The following CYP2C19 variants were observed in gnomAD, a reference collection of about 807,000 sequenced individuals.
The protein encoded by CYP2C19 is cytochrome P450 family 2 subfamily C member 19, also known as cytochrome P450 2C19.
In CYP2C19, 59 loss-of-function variants were observed where a neutral mutation model predicts 40.9. The ratio of observed to expected loss-of-function variants is 1.44; its 90% confidence interval spans 1.17 to 1.79. CYP2C19 has a LOEUF of 1.79. CYP2C19 is among the 40% of genes most tolerant of loss of function. The pLI is 0.00. For missense variants in CYP2C19, 754 were observed against 596.9 expected (o/e 1.26, Z -2.74); for synonymous variants, 253 against 208.7 (o/e 1.21, Z -1.83).
chr10:94,775,216 A>T lies in CYP2C19; in HGVS notation c.327A>T (p.Gly109=), dbSNP rs761894050. Reference sequence around the variant, plus strand: ...CACTGGCTGAAAGAGCTAACAGAGGATTTGGTAGGTGTGCAAGTGCCTGTT... The same window carrying T: ...CACTGGCTGAAAGAGCTAACAGAGGTTTTGGTAGGTGTGCAAGTGCCTGTT... ...HFPLAERANR[G]FGIVFSNGKR... The change falls in exon 2 of 9, where the codon GGA becomes GGT. Residue 109 remains glycine, a synonymous_variant. Coordinates refer to ENST00000371321, the MANE Select transcript of CYP2C19 (RefSeq NM_000769.4). 2 of 1,613,850 alleles carry T rather than the reference A, an allele frequency of 1.2e-6. No homozygotes were observed. The highest frequency in any genetic ancestry group is 2.7e-5 in the African/African-American group (2 of 74,870).
chr10:94,815,135 A>G (rs373232437), intron 5 of CYP2C19, among the ~76,000 whole-genome samples: 157 of 149,738 alleles, frequency 1.0e-3, no homozygotes, highest in African/African-American at 3.8e-3. Flanking sequence ...ACCAAGCTCA[A>G]GTCAAGAGAT....
At chr10:94,794,958 T>A (rs1369720146) in intron 5 of CYP2C19, among the ~76,000 whole-genome samples, 1 of 152,006 alleles carries the variant, frequency 6.6e-6, no homozygotes, top group Non-Finnish European at 1.5e-5. Flanking sequence ...ATAGGAGTGA[T>A]GAGAGAGGGC....
chr10:94,816,388 A>T (rs1368753118), intron 5 of CYP2C19, among the ~76,000 whole-genome samples: 3 of 152,064 alleles, frequency 2.0e-5, no homozygotes, highest in Non-Finnish European at 4.4e-5. Flanking sequence ...TAGGAACAGT[A>T]GTATCAAAAG....
chr10:94,803,556 G>A (rs531984723), intron 5 of CYP2C19, among the ~76,000 whole-genome samples: 1 of 152,302 alleles, frequency 6.6e-6, no homozygotes, highest in African/African-American at 2.4e-5. Flanking sequence ...CAAGATGGGT[G>A]GCACTGGACT....
chr10:94,813,266 A>G (rs532416093), intron 5 of CYP2C19, among the ~76,000 whole-genome samples: 3 of 152,164 alleles, frequency 2.0e-5, no homozygotes, highest in African/African-American at 4.8e-5. Flanking sequence ...GACACTTGCC[A>G]GATACCAGCC....
intron 1 of CYP2C19, among the ~76,000 whole-genome samples, chr10:94,763,839 A>T (rs1160288172): frequency 6.6e-6 from 1 of 151,982 alleles, no homozygotes; most frequent in Non-Finnish European, 1.5e-5. Context: ...GAAGCCACGG[A>T]CCCTCGTGGT....
At chr10:94,805,549 A>G (rs1258455485) in intron 5 of CYP2C19, among the ~76,000 whole-genome samples, 2 of 152,218 alleles carry the variant, frequency 1.3e-5, no homozygotes, top group Non-Finnish European at 2.9e-5. Context: ...CATCTACAGA[A>G]TTCTTTTCAT....
chr10:94,771,703 C>T (rs1848334929), intron 1 of CYP2C19, among the ~76,000 whole-genome samples: 1 of 152,154 alleles, frequency 6.6e-6, no homozygotes, highest in Admixed American at 6.5e-5. Context: ...TTTGTTTCTA[C>T]CTGCCCAGGA....
intron 6 of CYP2C19, among the ~76,000 whole-genome samples, chr10:94,832,777 T>C (rs1009197415): frequency 2.6e-5 from 4 of 151,876 alleles, no homozygotes; most frequent in Admixed American, 2.6e-4. Context: ...ATTTTAAAGA[T>C]TTTTTTTCTA....
chr10:94,810,573 T>C (rs1175139341), intron 5 of CYP2C19, among the ~76,000 whole-genome samples: 1 of 152,174 alleles, frequency 6.6e-6, no homozygotes, highest in Non-Finnish European at 1.5e-5. Flanking sequence ...AACTTGTTAT[T>C]GGTCTCTTCA....
At position 94,820,588 on chromosome 10, in the gene CYP2C19, A is replaced by G. The variant is rs1169294637; in HGVS notation, c.912A>G (p.Thr304=). The change falls in exon 6 of 9, where the codon ACA becomes ACG. Residue 304 remains threonine (T), a synonymous_variant. Transcript: ENST00000371321. ...GAGCTGGGACAGAGACAACAAGCAC[A>G]ACCCTGAGATATGCTCTCCTTCTCC... ...LLGAGTETTS[T]TLRYALLLLL... 3 of 1,614,238 alleles carry G rather than the reference A, an allele frequency of 1.9e-6. No individual in the cohort carries two copies. The highest frequency in any genetic ancestry group is 2.7e-5 in the African/African-American group (2 of 75,070).
At chr10:94,852,532 CCATCCATT>C (rs1412392209) in intron 8 of CYP2C19, among the ~76,000 whole-genome samples, 193 bp from the exon 9 acceptor site, 2 of 152,144 alleles carry the variant, frequency 1.3e-5, no homozygotes, top group Non-Finnish European at 2.9e-5. Flanking sequence ...AGTTGCCTAT[CCATCCATT>C]CATCCATTAA....
At chr10:94,820,905 C>A (rs532587066) in intron 6 of CYP2C19, among the ~76,000 whole-genome samples, 1 of 152,108 alleles carries the variant, frequency 6.6e-6, no homozygotes, top group South Asian at 2.1e-4. Flanking sequence ...CCAATATGGC[C>A]AAGCCCCATC....
intron 8 of CYP2C19, among the ~76,000 whole-genome samples, chr10:94,852,334 G>A (rs1162005957): frequency 6.6e-6 from 1 of 152,182 alleles, no homozygotes; most frequent in Non-Finnish European, 1.5e-5. Context: ...AAAGGGAAAT[G>A]CCGAATGTGA....
chr10:94,810,751 TG>T (rs1438636053), intron 5 of CYP2C19, among the ~76,000 whole-genome samples: 9 of 152,198 alleles, frequency 5.9e-5, no homozygotes, highest in Non-Finnish European at 5.9e-5. Flanking sequence ...ATCATTTTTT[TG>T]TTCTCTCTAT....
rs114056128 is a variant in CYP2C19 at position 94,832,931 on chromosome 10, C to T, written c.962-9906C>T. 3.1e-3 allele frequency among the ~76,000 whole-genome samples: 474 copies of T among 152,172 alleles called. 3 individuals carry two copies. The highest frequency in any genetic ancestry group is 0.011 in the African/African-American group (451 of 41,540). On this transcript the variant is annotated intron_variant, in intron 6 of 8. Transcript: ENST00000371321. ...TTCCATTTGTTGTGATCTCTTAAAA[C>T]TCTTTCCTCAGTGCTTTATAGTTTT...
chr10:94,811,403 G>C (rs541417374), intron 5 of CYP2C19, among the ~76,000 whole-genome samples: 11 of 152,190 alleles, frequency 7.2e-5, no homozygotes, highest in Admixed American at 7.2e-4. Flanking sequence ...ATGCCCGCTT[G>C]GTCCAGAGCT....
chr10:94,827,446 G>T (rs986192273), intron 6 of CYP2C19, among the ~76,000 whole-genome samples: 1 of 151,984 alleles, frequency 6.6e-6, no homozygotes, highest in Non-Finnish European at 1.5e-5. Context: ...TAGTTTATTT[G>T]CATAGAGGTG....
At chr10:94,777,526 A>C (rs1021322433) in intron 3 of CYP2C19, among the ~76,000 whole-genome samples, 2 of 152,158 alleles carry the variant, frequency 1.3e-5, no homozygotes, top group Non-Finnish European at 2.9e-5. Context: ...ATCTTCAACA[A>C]ACCTGACAAA....
Sources: gnomAD v4.1 joint callset for allele counts (sites outside exome capture counted in the v4.1 genomes callset) on GRCh38, gnomAD v4.1.1 for gene constraint, MANE v1.5 for transcripts, NCBI Gene and HGNC (gene_info 2026-07-23, HGNC 2026-07-21) for gene names.